Variants in GPR158 observed in about 807,000 individuals in gnomAD.
GPR158 encodes metabotropic glycine receptor.
Under a neutral mutation model 78.2 loss-of-function variants are expected in GPR158, and 30 were observed. The ratio of observed to expected loss-of-function variants is 0.38; its 90% CI spans 0.29 to 0.52. The LOEUF is 0.52. Ranked by LOEUF, GPR158 falls within the 20% of genes least tolerant of loss-of-function variation. GPR158 has a pLI of 0.83. For missense variants in GPR158, 1,463 were observed against 1,523.5 expected, an observed-to-expected ratio of 0.96 and a Z score of 0.66; for synonymous variants, 581 against 591.1, an observed-to-expected ratio of 0.98 and a Z score of 0.25.
At chr10:25,284,876 C>T (rs895699022) in intron 2 of GPR158, among the ~76,000 whole-genome samples, 5 of 151,906 alleles carry the variant, frequency 3.3e-5, no homozygotes, top group Non-Finnish European at 7.4e-5. Context: ...AGTATAAATA[C>T]TTTATAGCAT....
chr10:25,450,684 T>C lies in GPR158; in HGVS notation c.1336-15967T>C, dbSNP rs138395517. 7.1e-3 allele frequency among the ~76,000 whole-genome samples: 1,084 copies of C among 152,298 alleles called. 15 individuals are homozygous for C. The highest frequency in any genetic ancestry group is 0.025 in the African/African-American group (1,028 of 41,574). ...TTGGTTTTGACCTAAACTGAGATTG[T>C]CTGTCTCCTTGCACTCATTTCATTA... On this transcript the variant is annotated intron_variant, in intron 4 of 10. Coordinates refer to ENST00000376351, the MANE Select transcript of GPR158 (RefSeq NM_020752.3).
chr10:25,590,775 G>T (rs1397665169), intron 8 of GPR158, among the ~76,000 whole-genome samples: 2 of 152,188 alleles, frequency 1.3e-5, no homozygotes, highest in Non-Finnish European at 2.9e-5. Context: ...ATGTAGTGCA[G>T]AAGGTTGTGC....
At chr10:25,482,387 T>A (rs1373201688) in intron 5 of GPR158, among the ~76,000 whole-genome samples, 1 of 152,090 alleles carries the variant, frequency 6.6e-6, no homozygotes, top group African/African-American at 2.4e-5. Context: ...CTTGCTGTAT[T>A]GGCCAGGCTG....
chr10:25,264,986 C>T (rs1298534128), intron 2 of GPR158, among the ~76,000 whole-genome samples: 1 of 152,136 alleles, frequency 6.6e-6, no homozygotes, highest in Non-Finnish European at 1.5e-5. Flanking sequence ...ATGTATATAT[C>T]ACCCTCTCAT....
intron 1 of GPR158, among the ~76,000 whole-genome samples, chr10:25,177,618 A>G (rs1171890553): frequency 6.6e-6 from 1 of 152,176 alleles, no homozygotes. Context: ...GAATGACCTC[A>G]ACCAAGTTGC....
intron 6 of GPR158, among the ~76,000 whole-genome samples, chr10:25,571,289 AT>A (rs1383159610): frequency 2.6e-5 from 4 of 152,332 alleles, no homozygotes; most frequent in Admixed American, 2.6e-4. Flanking sequence ...TATTTTGTTA[AT>A]AATTAAATAA....
At chr10:25,243,441 A>G (rs1430212220) in intron 2 of GPR158, among the ~76,000 whole-genome samples, 1 of 152,148 alleles carries the variant, frequency 6.6e-6, no homozygotes, top group East Asian at 1.9e-4. Flanking sequence ...ATCTTTTTGG[A>G]AGGCCTTTCC....
At chr10:25,450,920 G>T (rs915000258) in intron 4 of GPR158, among the ~76,000 whole-genome samples, 3 of 151,688 alleles carry the variant, frequency 2.0e-5, no homozygotes, top group African/African-American at 7.3e-5. Flanking sequence ...ATCTAATAAA[G>T]ATTTTTAAGA....
At chr10:25,541,843 T>C (rs1357120354) in intron 5 of GPR158, among the ~76,000 whole-genome samples, 1 of 151,238 alleles carries the variant, frequency 6.6e-6, no homozygotes, top group Non-Finnish European at 1.5e-5. Flanking sequence ...GTTGTTAGGA[T>C]TGTTGGCAGC....
At chr10:25,194,798 T>C (rs894019381) in intron 1 of GPR158, among the ~76,000 whole-genome samples, 2 of 152,202 alleles carry the variant, frequency 1.3e-5, no homozygotes, top group Non-Finnish European at 2.9e-5. Context: ...ATTATAGTTA[T>C]AATTTTTCTG....
In GPR158 at chr10:25,508,455, G is replaced by A. The variant is rs191153058; in HGVS notation, c.1404+41736G>A. Among the ~76,000 whole-genome samples the A allele has an allele frequency of 3.7e-3, 565 of 152,252 alleles. 6 individuals carry two copies. Among genetic ancestry groups the A allele is most frequent in the African/African-American group, 0.013 (539 of 41,540 alleles). On this transcript the variant is annotated intron_variant, in intron 5 of 10. Coordinates refer to ENST00000376351, the MANE Select transcript of GPR158 (RefSeq NM_020752.3). Reference sequence around the variant, plus strand: ...CACATATATTCTATGTTCATTTTAGGGTGGAGTTTTAACATTAAAATGAAG... The same window carrying A: ...CACATATATTCTATGTTCATTTTAGAGTGGAGTTTTAACATTAAAATGAAG...
At position 25,600,355 on chromosome 10, in the gene GPR158, T is replaced by G. The variant is rs955674685; in HGVS notation, c.*1081T>G. On this transcript the variant is annotated 3_prime_UTR_variant, in exon 11 of 11. Transcript: ENST00000376351. ...GTGAGAAAAATATACCGTGCATTAT[T>G]ATTACTATTGGAAAGGGAAGACTCT... The G allele has an allele frequency of 2.0e-5, 3 of 152,566 alleles. No individual in the cohort carries two copies. The highest frequency in any genetic ancestry group is 7.2e-5 in the African/African-American group (3 of 41,442). The allele number at this position is 152,566 out of a possible 1,614,324, so 9.5% of individuals were successfully genotyped here. A position where few individuals can be genotyped will look rare whatever the true frequency, so the allele number is the denominator to read the frequency against.
chr10:25,533,889 T>G (rs781464384), intron 5 of GPR158, among the ~76,000 whole-genome samples: 2 of 152,182 alleles, frequency 1.3e-5, no homozygotes, highest in Non-Finnish European at 2.9e-5. Flanking sequence ...TGGGGCAAAT[T>G]CCTTAACTTT....
At chr10:25,223,731 T>G (rs570865694) in intron 2 of GPR158, among the ~76,000 whole-genome samples, 16 of 152,266 alleles carry the variant, frequency 1.1e-4, no homozygotes, top group African/African-American at 3.8e-4. Flanking sequence ...GGGAAGCACT[T>G]AACATCCACA....
At chr10:25,201,909 C>T (rs1014944013) in intron 1 of GPR158, among the ~76,000 whole-genome samples, 3 of 152,046 alleles carry the variant, frequency 2.0e-5, no homozygotes, top group Admixed American at 2.0e-4. Flanking sequence ...CATATATGTT[C>T]ATCAAATATA....
At chr10:25,588,904 A>G (rs2098080201) in intron 7 of GPR158, 103 bp from the exon 8 acceptor site, 1 of 648,644 alleles carries the variant, frequency 1.5e-6, no homozygotes, top group Non-Finnish European at 2.5e-6. Flanking sequence ...TAACCCATCT[A>G]TTTATAAAAA....
intron 5 of GPR158, among the ~76,000 whole-genome samples, chr10:25,505,539 A>G (rs901588358): frequency 1.3e-5 from 2 of 152,082 alleles, no homozygotes; most frequent in Non-Finnish European, 2.9e-5. Context: ...GACAGGATAA[A>G]TTTTCAAAAA....
At chr10:25,447,792 A>G (rs1421689600) in intron 4 of GPR158, among the ~76,000 whole-genome samples, 1 of 152,134 alleles carries the variant, frequency 6.6e-6, no homozygotes, top group Non-Finnish European at 1.5e-5. Flanking sequence ...CAAATCCTTT[A>G]TTTTTTATGG....
intron 1 of GPR158, among the ~76,000 whole-genome samples, chr10:25,207,101 G>A (rs747318321): frequency 9.9e-5 from 15 of 152,014 alleles, no homozygotes; most frequent in Non-Finnish European, 2.2e-4. Flanking sequence ...TTAAGCAGAA[G>A]GAAATCTGCT....
Sources: gnomAD v4.1 joint callset for allele counts (sites outside exome capture counted in the v4.1 genomes callset) on GRCh38, gnomAD v4.1.1 for gene constraint, MANE v1.5 for transcripts, NCBI Gene and HGNC (gene_info 2026-07-23, HGNC 2026-07-21) for gene names.